MYO5A: variants seen among roughly 807,000 people sequenced by gnomAD.
MYO5A encodes the protein myosin VA, also known as unconventional myosin-Va.
In MYO5A, 98 loss-of-function variants were observed where a neutral mutation model predicts 249.7. The observed-to-expected ratio is 0.39, with a 90% confidence interval of 0.33 to 0.46. MYO5A has a LOEUF of 0.46. Ranked by LOEUF, MYO5A falls within the 20% of genes least tolerant of loss-of-function variation. The pLI is 0.98. For synonymous variants in MYO5A, 778 were observed against 810.6 expected, an observed-to-expected ratio of 0.96 and a Z score of 0.68; for missense variants, 1,696 against 2,308.8, an observed-to-expected ratio of 0.73 and a Z score of 5.44.
rs372972607 is a variant in MYO5A at position 52,428,507 on chromosome 15, T to A, written c.201A>T (p.Ile67=). 193 of 1,614,026 alleles carry A rather than the reference T, an allele frequency of 1.2e-4. No homozygotes were observed. Among genetic ancestry groups the A allele is most frequent in the Non-Finnish European group, 1.5e-4 (181 of 1,179,996 alleles). Residue 67 remains isoleucine (I), a synonymous_variant, in exon 3 of 42, where the codon ATA becomes ATT. Transcript: ENST00000399233. The stretch of plus-strand genomic sequence containing the variant: ...CTGTGAGGTCATTTTCACCAACAAG[T>A]ATGTCAGGATTTCGTAAGTGAGGCA... ...KELPHLRNPD[I]LVGENDLTAL...
At chr15:52,380,097 T>TAAAAATA (rs2041654028) in intron 16 of MYO5A, among the ~76,000 whole-genome samples, 189 bp from the exon 17 acceptor site, 1 of 152,008 alleles carries the variant, frequency 6.6e-6, no homozygotes, top group Admixed American at 6.6e-5. Context: ...TGATAAGCAG[T>TAAAAATA]AAAAATAAAG....
chr15:52,383,468 C>T (rs1398245649), intron 15 of MYO5A, among the ~76,000 whole-genome samples: 1 of 152,152 alleles, frequency 6.6e-6, no homozygotes, highest in Non-Finnish European at 1.5e-5. Context: ...CTGTTATGAG[C>T]TTAGTCATAT....
intron 27 of MYO5A, among the ~76,000 whole-genome samples, chr15:52,352,521 C>T (rs1379867624): frequency 6.6e-6 from 1 of 152,214 alleles, no homozygotes; most frequent in Non-Finnish European, 1.5e-5. Context: ...GTGGCTCACG[C>T]CTGTAATCCC....
At chr15:52,463,251 C>G (rs2076288472) in intron 1 of MYO5A, among the ~76,000 whole-genome samples, 1 of 152,288 alleles carries the variant, frequency 6.6e-6, no homozygotes, top group South Asian at 2.1e-4. Context: ...GGCATCCTGG[C>G]AGTGACTTGA....
At chr15:52,385,697 C>T (rs1173444674) in intron 14 of MYO5A, among the ~76,000 whole-genome samples, 2 of 152,044 alleles carry the variant, frequency 1.3e-5, no homozygotes, top group Middle Eastern at 3.2e-3. Flanking sequence ...ACTCAAAACA[C>T]ATAACACAGA....
intron 9 of MYO5A, among the ~76,000 whole-genome samples, chr15:52,401,767 T>C (rs2042768389): frequency 6.6e-6 from 1 of 152,220 alleles, no homozygotes; most frequent in Admixed American, 6.5e-5. Context: ...TCTTCTCTCC[T>C]TTATGAATTT....
In MYO5A at chr15:52,421,368, T is replaced by C. The variant is rs367840111; in HGVS notation, c.455+4462A>G. Reference sequence around the variant, plus strand: ...AGGCTCAAGTCAATGAAAAGAGAAATGTAGACATAAGGCCACATAATGATG... The same window carrying C: ...AGGCTCAAGTCAATGAAAAGAGAAACGTAGACATAAGGCCACATAATGATG... On this transcript the variant is annotated intron_variant, in intron 4 of 41. Coordinates refer to ENST00000399233, the MANE Select transcript of MYO5A (RefSeq NM_001382347.1). Among the ~76,000 whole-genome samples, 5 of 152,234 alleles carry C rather than the reference T, an allele frequency of 3.3e-5. No homozygotes were observed. The East Asian group carries it at 7.7e-4, about 23-fold the overall frequency.
intron 30 of MYO5A, 82 bp from the exon 31 acceptor site, chr15:52,343,279 C>T: frequency 9.0e-7 from 1 of 1,112,646 alleles, no homozygotes; most frequent in Non-Finnish European, 1.4e-6. Flanking sequence ...CAGCAGCATG[C>T]AGTATTTCAA....
At chr15:52,528,546 G>T (rs1193037725) in intron 1 of MYO5A, among the ~76,000 whole-genome samples, 9 of 152,208 alleles carry the variant, frequency 5.9e-5, no homozygotes, top group African/African-American at 2.4e-5. Context: ...GCGCGGCAGG[G>T]GCCTGGGAGA....
chr15:52,469,161 C>T (rs962876534), intron 1 of MYO5A, among the ~76,000 whole-genome samples: 1 of 152,084 alleles, frequency 6.6e-6, no homozygotes, highest in African/African-American at 2.4e-5. Flanking sequence ...TAATAATATA[C>T]AGTTGACCCT....
intron 1 of MYO5A, among the ~76,000 whole-genome samples, chr15:52,480,206 AACTAAAT>A (rs2076687269): frequency 1.3e-5 from 2 of 152,342 alleles, no homozygotes; most frequent in African/African-American, 4.8e-5. Context: ...AAGAAATAAG[AACTAAAT>A]ACTAATTGCG....
chr15:52,528,439 T>C (rs1461118667), intron 1 of MYO5A, among the ~76,000 whole-genome samples: 1 of 152,058 alleles, frequency 6.6e-6, no homozygotes, highest in Non-Finnish European at 1.5e-5. Context: ...CGCCGGGAAT[T>C]TTCCAAAGCC....
At chr15:52,487,209 A>C (rs1252945944) in intron 1 of MYO5A, among the ~76,000 whole-genome samples, 1 of 152,150 alleles carries the variant, frequency 6.6e-6, no homozygotes, top group Non-Finnish European at 1.5e-5. Flanking sequence ...TGAGTCCAGG[A>C]GTTCGAGACC....
chr15:52,394,285 A>G (rs953189278), intron 11 of MYO5A, among the ~76,000 whole-genome samples: 3 of 152,232 alleles, frequency 2.0e-5, no homozygotes, highest in African/African-American at 7.2e-5. Context: ...ACCTCTGATG[A>G]AAAAATGAAC....
intron 21 of MYO5A, 142 bp downstream of exon 21, chr15:52,371,982 G>T (rs1376552312): frequency 4.3e-6 from 5 of 1,163,344 alleles, no homozygotes; most frequent in Non-Finnish European, 6.3e-6. Context: ...GTACTTCCAT[G>T]CCCATTATGG....
chr15:52,415,775 C>G (rs574726195), intron 5 of MYO5A, among the ~76,000 whole-genome samples: 7 of 152,162 alleles, frequency 4.6e-5, no homozygotes, highest in African/African-American at 1.7e-4. Flanking sequence ...TAAATAAGAA[C>G]TCAGGACTTG....
chr15:52,353,609 A>T lies in MYO5A; in HGVS notation c.3617T>A (p.Leu1206His), dbSNP rs374830068. 2 of 1,613,870 alleles carry T rather than the reference A, an allele frequency of 1.2e-6. No individual in the cohort carries two copies. The highest frequency in any genetic ancestry group is 1.7e-6 in the Non-Finnish European group (2 of 1,179,714). The change falls in exon 27 of 42, where the codon CTC (leucine) becomes CAC (histidine). Residue 1206 changes from leucine (L) to histidine (H), a missense_variant. Leu to His is a moderately conservative substitution (Grantham distance 99, BLOSUM62 -3). Coordinates refer to ENST00000399233, the MANE Select transcript of MYO5A (RefSeq NM_001382347.1). ...TGAGCAGAAACTCCCCATTACCTTG[A>T]GTGACTCATATTCCAGTTCTGCACC... Reference protein sequence around the residue: ...IRGAELEYESLKRQELESENK... With the variant: ...IRGAELEYESHKRQELESENK...
intron 1 of MYO5A, among the ~76,000 whole-genome samples, chr15:52,476,896 T>C (rs946540316): frequency 2.6e-5 from 4 of 152,216 alleles, no homozygotes; most frequent in Admixed American, 6.5e-5. Flanking sequence ...TCAAGGAGTA[T>C]CTTTGTGGTG....
chr15:52,437,693 A>G (rs1391748823), intron 1 of MYO5A, among the ~76,000 whole-genome samples: 1 of 152,146 alleles, frequency 6.6e-6, no homozygotes, highest in Non-Finnish European at 1.5e-5. Context: ...AATGTGTCCA[A>G]GTGAGTTTGT....
Sources: gnomAD v4.1 joint callset for allele counts (sites outside exome capture counted in the v4.1 genomes callset) on GRCh38, gnomAD v4.1.1 for gene constraint, MANE v1.5 for transcripts, NCBI Gene and HGNC (gene_info 2026-07-23, HGNC 2026-07-21) for gene names.